CAST: variants seen among roughly 807,000 people sequenced by gnomAD.
CAST encodes calpastatin, also known as MIR583 host.
CAST carries 76 observed loss-of-function variants against 119.6 expected under a neutral mutation model. The ratio of observed to expected loss-of-function variants is 0.64; its 90% CI spans 0.53 to 0.77. The LOEUF (loss-of-function observed/expected upper bound fraction) is 0.77. CAST is among the 30% of genes least tolerant of loss of function. The pLI is 0.00. For synonymous variants in CAST, 319 were observed against 331.6 expected (o/e 0.96, Z 0.41); for missense variants, 953 against 946.5 (o/e 1.01, Z -0.09).
chr5:96,229,521 G>A, the CAST span, among the ~76,000 whole-genome samples: 1 of 152,036 alleles, frequency 6.6e-6, no homozygotes, highest in African/African-American at 2.4e-5. Context: ...GTTAAACAGT[G>A]GTATCTTCCT....
the CAST span, among the ~76,000 whole-genome samples, chr5:96,219,080 A>G: frequency 2.6e-5 from 4 of 152,348 alleles, no homozygotes; most frequent in Non-Finnish European, 5.9e-5. Flanking sequence ...ATAAGTGCTC[A>G]GTTAATGTGA....
At chr5:96,526,829 A>G (rs1303326607), upstream of CAST, among the ~76,000 whole-genome samples, 4 of 152,200 alleles carry the variant, frequency 2.6e-5, no homozygotes, top group African/African-American at 9.6e-5. Flanking sequence ...GGAAAAAGAG[A>G]CACACGTTAT....
the CAST span, among the ~76,000 whole-genome samples, chr5:96,450,027 A>C: frequency 6.6e-6 from 1 of 152,370 alleles, no homozygotes; most frequent in South Asian, 2.1e-4. Flanking sequence ...AACTAAAAAT[A>C]GAATTACCCT....
At chr5:96,313,742 T>C in the CAST span, among the ~76,000 whole-genome samples, 1 of 152,194 alleles carries the variant, frequency 6.6e-6, no homozygotes, top group Admixed American at 6.5e-5. Context: ...TATATAAACA[T>C]TCAAGTTGGT....
the CAST span, among the ~76,000 whole-genome samples, chr5:96,276,152 C>T: frequency 2.1e-4 from 32 of 152,160 alleles, no homozygotes; most frequent in South Asian, 5.2e-3. Context: ...AGTGTTTCAA[C>T]GATAGATTTG....
chr5:96,172,166 G>T, the CAST span, among the ~76,000 whole-genome samples: 1 of 152,228 alleles, frequency 6.6e-6, no homozygotes, highest in African/African-American at 2.4e-5. Context: ...GCTGGCAGGG[G>T]CGGGGATCAC....
the CAST span, among the ~76,000 whole-genome samples, chr5:96,430,912 T>A: frequency 7.6e-4 from 116 of 152,324 alleles, 1 homozygote; most frequent in African/African-American, 2.5e-3. Flanking sequence ...CTATTAAGAT[T>A]TATGTTTATT....
rs1769436667 is a variant in CAST at position 96,765,234 on chromosome 5, ACCTCGATGATG to A, written c.1950_1960del (p.Asp651GlyfsTer2). ...TTTACTTTTCAGCAGAGTGACAAAG[ACCTCGATGATG>A]CCTTGGATAAACTCTCTGACAGTCT... On this transcript the variant is annotated frameshift_variant, in exon 26 of 32. Coordinates refer to ENST00000675179, the MANE Select transcript of CAST (RefSeq NM_001750.7). LOFTEE classifies it high-confidence loss of function. The A allele has an allele frequency of 6.2e-7, 1 of 1,602,882 alleles. No homozygotes were observed. The highest frequency in any genetic ancestry group is 1.3e-5 in the African/African-American group (1 of 74,434).
chr5:96,702,554 G>A (rs1401570759), intron 3 of CAST, among the ~76,000 whole-genome samples: 2 of 152,176 alleles, frequency 1.3e-5, no homozygotes, highest in African/African-American at 4.8e-5. Context: ...CCTTATTCTG[G>A]TAGTCACAGG....
At chr5:96,089,369 A>G in the CAST span, among the ~76,000 whole-genome samples, 1 of 152,194 alleles carries the variant, frequency 6.6e-6, no homozygotes, top group Non-Finnish European at 1.5e-5. Context: ...GTATCCCAAA[A>G]GTATACTAGC....
the CAST span, among the ~76,000 whole-genome samples, chr5:96,111,169 G>A: frequency 1.3e-5 from 2 of 152,182 alleles, no homozygotes; most frequent in Admixed American, 1.3e-4. Context: ...ACAGAACTCA[G>A]AGGAACACTT....
At chr5:96,747,423 A>C (rs1239847657) in intron 18 of CAST, 31 bp downstream of exon 18, 1 of 1,380,006 alleles carries the variant, frequency 7.2e-7, no homozygotes, top group Admixed American at 1.7e-5. Context: ...CTGATACTTA[A>C]AGAACAATAG....
At chr5:96,194,572 G>A in the CAST span, among the ~76,000 whole-genome samples, 2 of 151,994 alleles carry the variant, frequency 1.3e-5, no homozygotes, top group African/African-American at 4.8e-5. Flanking sequence ...CATCAACATA[G>A]GATTGCTGGT....
the CAST span, chr5:96,393,373 C>T: frequency 6.2e-7 from 1 of 1,613,746 alleles, no homozygotes; most frequent in Non-Finnish European, 8.5e-7. Flanking sequence ...CTTGTGTGGG[C>T]TGCTCCTAAA....
the CAST span, among the ~76,000 whole-genome samples, chr5:96,036,209 A>T: frequency 6.6e-6 from 1 of 152,128 alleles, no homozygotes; most frequent in Non-Finnish European, 1.5e-5. Flanking sequence ...ATACACAAGA[A>T]ACTAATATAA....
the CAST span, among the ~76,000 whole-genome samples, chr5:96,273,696 G>A: frequency 6.6e-6 from 1 of 152,150 alleles, no homozygotes; most frequent in Non-Finnish European, 1.5e-5. Context: ...ATATTTTAAT[G>A]AAAATATCTA....
intron 1 of CAST, among the ~76,000 whole-genome samples, chr5:96,614,365 A>G (rs1405466927): frequency 2.0e-5 from 3 of 152,184 alleles, no homozygotes; most frequent in Non-Finnish European, 4.4e-5. Context: ...ACAGCGCCTC[A>G]GTGTTGACAA....
At chr5:96,093,754 A>G in the CAST span, among the ~76,000 whole-genome samples, 1 of 152,192 alleles carries the variant, frequency 6.6e-6, no homozygotes, top group Non-Finnish European at 1.5e-5. Flanking sequence ...TGAGAGAGAT[A>G]AGTACAGATA....
chr5:96,410,236 A>G, the CAST span, among the ~76,000 whole-genome samples: 2 of 152,102 alleles, frequency 1.3e-5, no homozygotes, highest in Non-Finnish European at 1.5e-5. Flanking sequence ...CTCTGAGCAT[A>G]CGACCTCCCC....
Sources: gnomAD v4.1 joint callset for allele counts (sites outside exome capture counted in the v4.1 genomes callset) on GRCh38, gnomAD v4.1.1 for gene constraint, MANE v1.5 for transcripts, NCBI Gene and HGNC (gene_info 2026-07-23, HGNC 2026-07-21) for gene names.